Variants in CADM2 observed in about 807,000 individuals in gnomAD.
The protein encoded by CADM2 is immunoglobulin superfamily member 4D.
CADM2 carries 12 observed loss-of-function variants against 49.8 expected under a neutral mutation model. That is an observed-to-expected ratio of 0.24 (90% confidence interval 0.15 to 0.39). CADM2 has a LOEUF of 0.39. CADM2 is among the 10% of genes least tolerant of loss of function. CADM2 has a pLI of 1.00. For missense variants in CADM2, 378 were observed against 492.3 expected, an observed-to-expected ratio of 0.77 and a Z score of 2.20; for synonymous variants, 214 against 175.4, an observed-to-expected ratio of 1.22 and a Z score of -1.74.
chr3:85,136,888 C>T (rs1190740254), intron 1 of CADM2, among the ~76,000 whole-genome samples: 3 of 151,924 alleles, frequency 2.0e-5, no homozygotes, highest in African/African-American at 4.8e-5. Context: ...TCATTAGATT[C>T]AGTTTGCATT....
At position 86,039,927 on chromosome 3, in the gene CADM2, A is replaced by G. The variant is rs146972970; in HGVS notation, c.971-25678A>G. 3.2e-3 allele frequency among the ~76,000 whole-genome samples: 492 copies of G among 152,294 alleles called. 4 individuals are homozygous for G. Among genetic ancestry groups the G allele is most frequent in the Middle Eastern group, 0.01 (3 of 294 alleles). ...AGGCAGCAACATTTGCTGTTCACCA[A>G]TATCCGCTGGTCTGCAGCCTCTGCT... On this transcript the variant is annotated intron_variant, in intron 8 of 9. Coordinates refer to ENST00000383699, the MANE Select transcript of CADM2 (RefSeq NM_001167675.2).
At chr3:85,303,040 GTAAT>G (rs1330557472) in intron 1 of CADM2, among the ~76,000 whole-genome samples, 2 of 151,896 alleles carry the variant, frequency 1.3e-5, no homozygotes, top group Non-Finnish European at 2.9e-5. Flanking sequence ...CACAGTTCAT[GTAAT>G]TAATTAAGTC....
chr3:85,235,702 C>G, intron 1 of CADM2, among the ~76,000 whole-genome samples: 1 of 151,856 alleles, frequency 6.6e-6, no homozygotes, highest in Admixed American at 6.6e-5. Flanking sequence ...GTGTCGTCTC[C>G]CATTTATGAT....
chr3:85,268,916 A>C (rs2043175965), intron 1 of CADM2, among the ~76,000 whole-genome samples: 1 of 151,418 alleles, frequency 6.6e-6, no homozygotes, highest in South Asian at 2.1e-4. Context: ...CTAGTTTATA[A>C]ATACATTATT....
At chr3:85,154,037 C>T (rs1225514345) in intron 1 of CADM2, among the ~76,000 whole-genome samples, 10 of 152,190 alleles carry the variant, frequency 6.6e-5, no homozygotes, top group African/African-American at 2.4e-4. Context: ...AGCGCCTCTC[C>T]TCCTCCAAAG....
chr3:85,789,831 A>C (rs2071221032), intron 2 of CADM2, among the ~76,000 whole-genome samples: 1 of 152,254 alleles, frequency 6.6e-6, no homozygotes, highest in African/African-American at 2.4e-5. Context: ...TGTGTAAACA[A>C]GTTTGTGTTC....
In CADM2 at chr3:85,447,463, G is replaced by C. The variant is rs548758115; in HGVS notation, c.62-279059G>C. ...TTTAAACGTAAGGTTGCATTGTTCT[G>C]AATCATAAAGTTTTGCCCCTTATAC... On this transcript the variant is annotated intron_variant, in intron 1 of 9. Transcript: ENST00000383699. 3.9e-5 allele frequency among the ~76,000 whole-genome samples: 6 copies of C among 152,164 alleles called. No individual in the cohort carries two copies. The East Asian group carries it at 1.2e-3, about 29-fold the overall frequency.
intron 6 of CADM2, among the ~76,000 whole-genome samples, chr3:85,931,177 A>C (rs1280825224): frequency 6.6e-6 from 1 of 152,106 alleles, no homozygotes; most frequent in East Asian, 1.9e-4. Context: ...GTTCGAGACC[A>C]GCCTGGGCAA....
At chr3:85,189,183 A>G (rs574230949) in intron 1 of CADM2, among the ~76,000 whole-genome samples, 3 of 152,060 alleles carry the variant, frequency 2.0e-5, no homozygotes, top group Non-Finnish European at 2.9e-5. Context: ...ATCACAATTT[A>G]AAGAATTAGC....
chr3:86,013,655 G>C (rs1283963304), intron 8 of CADM2: 1 of 1,603,222 alleles, frequency 6.2e-7, no homozygotes, highest in Non-Finnish European at 8.5e-7. Flanking sequence ...ACATAGCAGG[G>C]GAAGAGCACC....
intron 3 of CADM2, among the ~76,000 whole-genome samples, chr3:85,813,391 G>T (rs1320877110): frequency 6.6e-6 from 1 of 151,954 alleles, no homozygotes; most frequent in Admixed American, 6.6e-5. Context: ...TTTTTGATGG[G>T]GTTGTTTGTT....
chr3:85,095,552 T>C (rs1490758535), intron 1 of CADM2, among the ~76,000 whole-genome samples: 1 of 152,146 alleles, frequency 6.6e-6, no homozygotes, highest in Non-Finnish European at 1.5e-5. Context: ...TTACTAGGTA[T>C]TGTGGGGGAT....
In CADM2 at chr3:85,335,209, C is replaced by G. The variant is rs893358334; in HGVS notation, c.61+375541C>G. Among the ~76,000 whole-genome samples, 7 of 151,606 alleles carry G rather than the reference C, an allele frequency of 4.6e-5. No homozygotes were observed. The South Asian group carries it at 1.4e-3, about 31-fold the overall frequency. ...GATGTCTCAACCTTCTGTAACCTAG[C>G]TTCCATTCCTCACCAGAATAGACAA... On this transcript the variant is annotated intron_variant, in intron 1 of 9. Transcript: ENST00000383699.
intron 3 of CADM2, among the ~76,000 whole-genome samples, chr3:85,879,757 AAAC>A (rs2108379555): frequency 6.6e-6 from 1 of 152,332 alleles, no homozygotes; most frequent in South Asian, 2.1e-4. Flanking sequence ...TAAAGCTATG[AAAC>A]AACATCACAA....
intron 8 of CADM2, among the ~76,000 whole-genome samples, chr3:86,061,181 G>A (rs1222590650): frequency 6.6e-6 from 1 of 151,970 alleles, no homozygotes. Context: ...TGCTGATTAT[G>A]TATAATACAC....
intron 2 of CADM2, among the ~76,000 whole-genome samples, chr3:85,771,337 G>C (rs928253835): frequency 6.6e-6 from 1 of 152,034 alleles, no homozygotes; most frequent in Non-Finnish European, 1.5e-5. Context: ...TCCTATGGTT[G>C]CATTAATGTA....
At chr3:85,842,835 C>A in intron 3 of CADM2, among the ~76,000 whole-genome samples, 1 of 152,112 alleles carries the variant, frequency 6.6e-6, no homozygotes, top group Non-Finnish European at 1.5e-5. Context: ...ATATTAAATT[C>A]ATTAGATATT....
intron 1 of CADM2, among the ~76,000 whole-genome samples, chr3:85,311,976 G>T (rs1411221107): frequency 6.6e-6 from 1 of 152,128 alleles, no homozygotes; most frequent in African/African-American, 2.4e-5. Flanking sequence ...AATCAGTGTA[G>T]GTACCAAAAT....
intron 7 of CADM2, among the ~76,000 whole-genome samples, chr3:85,939,285 C>A (rs1399542572): frequency 6.6e-6 from 1 of 152,002 alleles, no homozygotes; most frequent in African/African-American, 2.4e-5. Flanking sequence ...CTATTCTTTC[C>A]TTAAAAGAGA....
Sources: allele counts gnomAD v4.1 joint callset (sites outside exome capture counted in the v4.1 genomes callset), GRCh38; gene constraint gnomAD v4.1.1; transcripts MANE v1.5; gene names NCBI Gene and HGNC (gene_info 2026-07-23, HGNC 2026-07-21).